CSNK2A1: variants seen among roughly 807,000 people sequenced by gnomAD.
CSNK2A1 encodes the protein casein kinase II subunit alpha.
Under a neutral mutation model 62.9 loss-of-function variants are expected in CSNK2A1, and 10 were observed. That is an observed-to-expected ratio of 0.16 (90% CI 0.10 to 0.27). CSNK2A1 has a LOEUF of 0.27. CSNK2A1 is among the 10% of genes least tolerant of loss of function. The probability of loss-of-function intolerance (pLI) is 1.00; values close to 1 mark genes in which losing one functional copy is unlikely to be tolerated. For synonymous variants in CSNK2A1, 124 were observed against 167.8 expected, an observed-to-expected ratio of 0.74 and a Z score of 2.02; for missense variants, 160 against 492.0, an observed-to-expected ratio of 0.33 and a Z score of 6.38.
At position 508,632 on chromosome 20, in the gene CSNK2A1, G is replaced by C. The variant is rs1313724784; in HGVS notation, c.-81C>G. ...TGTGTTCAGAAGCAGCTGGGGGTAA[G>C]ACCTTGTTTCAGACCTGTTTTCTTC... is the stretch of plus-strand genomic sequence containing the variant. On this transcript the variant is annotated 5_prime_UTR_variant, in exon 3 of 14. Transcript: ENST00000217244. The C allele has an allele frequency of 1.4e-6, 2 of 1,434,828 alleles. No homozygotes were observed. The highest frequency in any genetic ancestry group is 1.4e-5 in the African/African-American group (1 of 70,414). The allele number at this position is 1,434,828 out of a possible 1,614,324, so 88.9% of individuals were successfully genotyped here. A position where few individuals can be genotyped will look rare whatever the true frequency, so the allele number is the denominator to read the frequency against.
chr20:497,885 T>C (rs2018377907), intron 6 of CSNK2A1, 105 bp from the exon 7 acceptor site: 1 of 994,498 alleles, frequency 1.0e-6, no homozygotes, highest in Admixed American at 2.0e-5. Flanking sequence ...TTACCGTTGT[T>C]CCAAGATCTG....
Position 532,449 on chromosome 20 carries a change from T to C in CSNK2A1, c.-226-4400A>G, listed in dbSNP as rs113512690. 1.0e-3 allele frequency among the ~76,000 whole-genome samples: 156 copies of C among 151,970 alleles called. 1 individual carries two copies. The highest frequency in any genetic ancestry group is 3.7e-3 in the African/African-American group (152 of 41,426). On this transcript the variant is annotated intron_variant, in intron 1 of 13. Coordinates refer to ENST00000217244, the MANE Select transcript of CSNK2A1 (RefSeq NM_177559.3). Reference sequence around the variant, plus strand: ...GCCTCGGCCTCCCAAAGTGCTGGGATTACAGGTGTGAGCCACTGCTCCCAG... The same window carrying C: ...GCCTCGGCCTCCCAAAGTGCTGGGACTACAGGTGTGAGCCACTGCTCCCAG...
chr20:503,809 T>C (rs563759930), intron 4 of CSNK2A1: 25 of 397,540 alleles, frequency 6.3e-5, no homozygotes, highest in African/African-American at 4.9e-4. Flanking sequence ...ATTATAGTTA[T>C]ATAAGAACAA....
intron 1 of CSNK2A1, among the ~76,000 whole-genome samples, chr20:529,459 C>T (rs972007574): frequency 6.6e-6 from 1 of 152,180 alleles, no homozygotes; most frequent in Non-Finnish European, 1.5e-5. Flanking sequence ...TGGTAGCCTT[C>T]TTGGTTACTT....
intron 4 of CSNK2A1, 60 bp downstream of exon 4, chr20:505,058 T>G: frequency 6.9e-7 from 1 of 1,452,608 alleles, no homozygotes; most frequent in Admixed American, 2.6e-5. Flanking sequence ...AAAAAAGTCT[T>G]CAAAACTACT....
In CSNK2A1 at chr20:480,259, G is replaced by GGGTGGGTGTGTGTGTGTGT. The variant is rs2017931373; in HGVS notation, c.*3701_*3702insACACACACACACACCCACC. 1 of 143,296 alleles carries GGGTGGGTGTGTGTGTGTGT rather than the reference G, an allele frequency of 7.0e-6. No individual in the cohort carries two copies. The highest frequency in any genetic ancestry group is 2.7e-5 in the African/African-American group (1 of 36,736). 8.9% of individuals were successfully genotyped at this position (143,296 alleles called of 1,614,324 possible). On this transcript the variant is annotated 3_prime_UTR_variant, in exon 14 of 14. Coordinates refer to ENST00000217244, the MANE Select transcript of CSNK2A1 (RefSeq NM_177559.3). The stretch of plus-strand genomic sequence containing the variant: ...TTGTGTGTGTGTGTGTGTGTGTGTG[G>GGGTGGGTGTGTGTGTGTGT]GTGGGTGGGTGTGTGTGTGTAGGGA...
chr20:501,882 C>T (rs998189839), intron 4 of CSNK2A1: 6 of 151,988 alleles, frequency 3.9e-5, no homozygotes, highest in Non-Finnish European at 7.4e-5. Flanking sequence ...GAGAGGGAAA[C>T]GGGGGATTTA....
At position 499,932 on chromosome 20, in the gene CSNK2A1, T is replaced by C. The variant is rs1369355672; in HGVS notation, c.216A>G (p.Pro72=). 2 of 1,597,386 alleles carry C rather than the reference T, an allele frequency of 1.3e-6. No homozygotes were observed. Among genetic ancestry groups the C allele is most frequent in the Admixed American group, 1.7e-5 (1 of 59,246 alleles). The change falls in exon 5 of 14, where the codon CCA becomes CCG. Residue 72 remains proline (P), a splice_region_variant and synonymous_variant. Coordinates refer to ENST00000217244, the MANE Select transcript of CSNK2A1 (RefSeq NM_177559.3). This position sits in a 1 kb window ranked among gnomAD's most constrained non-coding sequence, Gnocchi z 4.2. ...NEKVVVKILK[P]VKKKKIKREI... is the part of the protein sequence containing the mutation. The stretch of plus-strand genomic sequence containing the variant: ...CACGCTTAATTTTCTTCTTTTTTAC[T>C]GGCTGAAAGGGGAAAAGTACATCAG...
At chr20:517,521 T>C (rs373426807) in intron 2 of CSNK2A1, among the ~76,000 whole-genome samples, 219 of 152,246 alleles carry the variant, frequency 1.4e-3, no homozygotes, top group African/African-American at 3.9e-3. Flanking sequence ...TGTACAGACG[T>C]TGAAGGGTAT....
chr20:542,885 T>G (rs369048991), intron 1 of CSNK2A1, among the ~76,000 whole-genome samples: 2 of 152,234 alleles, frequency 1.3e-5, no homozygotes, highest in East Asian at 3.8e-4. Context: ...CTCCTGACCC[T>G]GACTCTGCTT....
intron 8 of CSNK2A1, chr20:494,645 A>T (rs1354074408): frequency 6.6e-6 from 1 of 152,216 alleles, no homozygotes; most frequent in Non-Finnish European, 1.5e-5. Flanking sequence ...GAACATGCTA[A>T]AGCTTAGAAT....
At chr20:524,248 A>AC (rs1438819296) in intron 2 of CSNK2A1, among the ~76,000 whole-genome samples, 1 of 151,526 alleles carries the variant, frequency 6.6e-6, no homozygotes, top group African/African-American at 2.4e-5. Context: ...GTACAGTGAA[A>AC]CCCATCTCTA....
At chr20:508,799 T>C (rs2018657826) in intron 2 of CSNK2A1, 139 bp from the exon 3 acceptor site, 1 of 398,740 alleles carries the variant, frequency 2.5e-6, no homozygotes, top group Admixed American at 4.4e-5. Context: ...CTCAACTGTG[T>C]TAACCAGTGC....
At chr20:522,191 T>C (rs766246209) in intron 2 of CSNK2A1, among the ~76,000 whole-genome samples, 2 of 152,218 alleles carry the variant, frequency 1.3e-5, no homozygotes, top group Non-Finnish European at 2.9e-5. Context: ...AGGAAATAAG[T>C]AAGCATGGAA....
At chr20:497,880 G>GTT (rs1555763760) in intron 6 of CSNK2A1, 100 bp from the exon 7 acceptor site, 3 of 1,040,844 alleles carry the variant, frequency 2.9e-6, no homozygotes, top group Non-Finnish European at 4.4e-6. Context: ...CTCATTTACC[G>GTT]TTGTTCCAAG....
At chr20:518,479 C>T (rs1037880446) in intron 2 of CSNK2A1, among the ~76,000 whole-genome samples, 2 of 152,212 alleles carry the variant, frequency 1.3e-5, no homozygotes, top group Non-Finnish European at 2.9e-5. Context: ...TATAAGCAAG[C>T]TCTCCATGGA....
chr20:500,932 T>A (rs2018455295), intron 4 of CSNK2A1: 1 of 152,118 alleles, frequency 6.6e-6, no homozygotes, highest in South Asian at 2.1e-4. Flanking sequence ...ACCCCTCCAT[T>A]CTAAAGAGTA....
chr20:508,215 A>T (rs756615457), intron 3 of CSNK2A1: 17 of 455,744 alleles, frequency 3.7e-5, no homozygotes, highest in Non-Finnish European at 6.3e-5. Context: ...ATAGAAAAGG[A>T]TAAGAAACTA....
intron 7 of CSNK2A1, 116 bp from the exon 8 acceptor site, chr20:495,918 A>G: frequency 2.6e-6 from 2 of 768,240 alleles, no homozygotes; most frequent in Non-Finnish European, 4.5e-6. Flanking sequence ...ATTCAAGCTG[A>G]GGACACAGTC....
Sources: allele counts gnomAD v4.1 joint callset (sites outside exome capture counted in the v4.1 genomes callset), GRCh38; gene constraint gnomAD v4.1.1; non-coding constraint Gnocchi (gnomAD v3.1); transcripts MANE v1.5; gene names NCBI Gene and HGNC (gene_info 2026-07-23, HGNC 2026-07-21).